HIRA: variants seen among roughly 807,000 people sequenced by gnomAD.
HIRA encodes the protein histone cell cycle regulator, also known as protein HIRA.
A neutral mutation model predicts 126.6 loss-of-function variants in HIRA; 13 were observed. That is an observed-to-expected ratio of 0.10 (90% confidence interval 0.07 to 0.16). HIRA has a LOEUF of 0.16. Among genes scored for constraint, HIRA ranks in the 10% least tolerant of loss-of-function variants. The probability of loss-of-function intolerance (pLI) is 1.00; values close to 1 mark genes in which losing one functional copy is unlikely to be tolerated. For synonymous variants in HIRA, 511 were observed against 520.0 expected (o/e 0.98, Z 0.24); for missense variants, 834 against 1,314.4 (o/e 0.63, Z 5.65).
chr22:19,383,303 AAAAAAAGAAAAAAAAAATC>A (rs2089093818), intron 13 of HIRA, among the ~76,000 whole-genome samples: 1 of 152,006 alleles, frequency 6.6e-6, no homozygotes, highest in African/African-American at 2.4e-5. Flanking sequence ...TTATGAAAGA[AAAAAAAGAAAAAAAAAATC>A]AGCCTGACTG....
In HIRA at chr22:19,377,927, T is replaced by G. The variant is rs1284090192; in HGVS notation, c.1555A>C (p.Thr519Pro). ...PNSFGASKPC[T>P]EPVVAASARP... is the part of the protein sequence containing the mutation. ...GCACTGGCAGCCACCACAGGCTCTG[T>G]GCAAGGCTTCGAGGCGCCGAAGGAG... Residue 519 changes from threonine (T) to proline (P), a missense_variant, in exon 14 of 25, where the codon ACA (threonine) becomes CCA (proline). Physicochemically the swap from Thr to Pro is conservative, Grantham distance 38. This residue lies in a region of HIRA where 468 missense variants were observed against 574.2 expected (regional missense o/e 0.82). Coordinates refer to ENST00000263208, the MANE Select transcript of HIRA (RefSeq NM_003325.4). 1.9e-6 allele frequency: 3 copies of G among 1,613,884 alleles called. No homozygotes were observed. The highest frequency in any genetic ancestry group is 3.3e-5 in the Admixed American group (2 of 59,996).
At chr22:19,371,386 A>G (rs555328207) in intron 15 of HIRA, among the ~76,000 whole-genome samples, 1 of 152,042 alleles carries the variant, frequency 6.6e-6, no homozygotes, top group Admixed American at 6.5e-5. Context: ...AACTGCAATG[A>G]TTATTATTTT....
intron 16 of HIRA, 21 bp from the exon 17 acceptor site, chr22:19,361,362 C>T (rs1282722144): frequency 1.2e-6 from 2 of 1,603,128 alleles, no homozygotes; most frequent in Non-Finnish European, 8.5e-7. Context: ...CAGAAACGTT[C>T]CTGAGCCTTG....
intron 6 of HIRA, among the ~76,000 whole-genome samples, chr22:19,397,692 T>C (rs1040168303): frequency 2.6e-5 from 4 of 152,094 alleles, no homozygotes; most frequent in Non-Finnish European, 5.9e-5. Context: ...CAGAGCCCAG[T>C]GGTGGGGGTG....
intron 24 of HIRA, among the ~76,000 whole-genome samples, chr22:19,333,805 G>A (rs1279458017): frequency 6.6e-6 from 1 of 151,956 alleles, no homozygotes; most frequent in African/African-American, 2.4e-5. Flanking sequence ...CCTCATACTT[G>A]ATAATTTCAA....
At chr22:19,377,079 G>A (rs2089026017) in intron 14 of HIRA, among the ~76,000 whole-genome samples, 1 of 152,176 alleles carries the variant, frequency 6.6e-6, no homozygotes, top group South Asian at 2.1e-4. Context: ...TAATCCCCAG[G>A]CCTCATCCCC....
At chr22:19,385,482 TATGTCC>T (rs2089118207) in intron 12 of HIRA, 33 bp downstream of exon 12, 1 of 1,581,452 alleles carries the variant, frequency 6.3e-7, no homozygotes. Flanking sequence ...TCCCTGGGCA[TATGTCC>T]ATGTCTTTAG....
intron 24 of HIRA, among the ~76,000 whole-genome samples, chr22:19,340,140 G>A (rs577329297): frequency 1.3e-5 from 2 of 152,060 alleles, no homozygotes; most frequent in African/African-American, 2.4e-5. Flanking sequence ...CTACCTAATC[G>A]AATCAAATGG....
intron 1 of HIRA, among the ~76,000 whole-genome samples, chr22:19,423,482 T>TACACACACAC (rs777914879): frequency 1.1e-3 from 124 of 111,292 alleles, no homozygotes; most frequent in African/African-American, 3.1e-3. Flanking sequence ...CACACATGCA[T>TACACACACAC]ACACACACAC....
At chr22:19,374,831 C>T (rs1477804160) in intron 15 of HIRA, among the ~76,000 whole-genome samples, 1 of 152,178 alleles carries the variant, frequency 6.6e-6, no homozygotes, top group African/African-American at 2.4e-5. Flanking sequence ...CTGCTGAGCC[C>T]TATAAACCTC....
chr22:19,375,686 T>G lies in HIRA; in HGVS notation c.1720A>C (p.Lys574Gln). The change falls in exon 15 of 25, where the codon AAA becomes CAA. Residue 574 changes from lysine to glutamine, a missense_variant. Coordinates refer to ENST00000263208, the MANE Select transcript of HIRA (RefSeq NM_003325.4). Reference protein sequence around the residue: ...AFDSRFTERSKATPGAPALTS... With the variant: ...AFDSRFTERSQATPGAPALTS... ...AGGGCAGGAGCACCTGGTGTGGCTT[T>G]GGACCGCTCTGTGAACCGGGAGTCA... The G allele has an allele frequency of 6.2e-7, 1 of 1,614,206 alleles. No individual in the cohort carries two copies. The highest frequency in any genetic ancestry group is 8.5e-7 in the Non-Finnish European group (1 of 1,180,032).
At chr22:19,385,445 C>T (rs2089117754) in intron 12 of HIRA, 76 bp downstream of exon 12, 2 of 1,405,390 alleles carry the variant, frequency 1.4e-6, no homozygotes. Context: ...CCTTCCTTAC[C>T]ACCACTGGTG....
chr22:19,361,069 G>A (rs554770413), intron 17 of HIRA, among the ~76,000 whole-genome samples, 168 bp downstream of exon 17: 28 of 152,334 alleles, frequency 1.8e-4, no homozygotes, highest in Admixed American at 1.7e-3. Flanking sequence ...TGGCAATTTC[G>A]CTAAGAGTTG....
chr22:19,340,294 G>A (rs1352585926), intron 24 of HIRA, among the ~76,000 whole-genome samples: 6 of 151,758 alleles, frequency 4.0e-5, no homozygotes, highest in South Asian at 2.1e-4. Flanking sequence ...AATAGATGCC[G>A]AAAAAGCATC....
chr22:19,379,179 A>AT (rs1432843596), intron 13 of HIRA, among the ~76,000 whole-genome samples: 1 of 151,392 alleles, frequency 6.6e-6, no homozygotes, highest in Non-Finnish European at 1.5e-5. Context: ...TGCCCGGCTA[A>AT]TTTTTTGTAT....
chr22:19,356,376 T>C (rs1211450148), intron 19 of HIRA, 88 bp from the exon 20 acceptor site: 4 of 1,139,998 alleles, frequency 3.5e-6, no homozygotes, highest in South Asian at 2.5e-5. Flanking sequence ...CTGGCCCTAC[T>C]GCATGCGACC....
chr22:19,420,468 A>AAAAAAC (rs1201632801), intron 1 of HIRA, among the ~76,000 whole-genome samples: 7 of 130,874 alleles, frequency 5.3e-5, no homozygotes, highest in African/African-American at 1.8e-4. Flanking sequence ...GTCTCAAAAA[A>AAAAAAC]AAAAAAAAAA....
chr22:19,388,946 G>A (rs902223694), intron 9 of HIRA, among the ~76,000 whole-genome samples: 13 of 152,132 alleles, frequency 8.5e-5, no homozygotes, highest in African/African-American at 3.1e-4. Flanking sequence ...CCTAGACAGG[G>A]GATGAGGCAC....
intron 12 of HIRA, among the ~76,000 whole-genome samples, chr22:19,384,046 C>T (rs147104651): frequency 2.6e-5 from 4 of 152,242 alleles, no homozygotes; most frequent in East Asian, 1.9e-4. Flanking sequence ...AGGCCAGGCA[C>T]GGTGGCTCAC....
Sources: gnomAD v4.1 joint callset for allele counts (sites outside exome capture counted in the v4.1 genomes callset) on GRCh38, gnomAD v4.1.1 for gene constraint, gnomAD v4.1.1 regional missense constraint, MANE v1.5 for transcripts, NCBI Gene and HGNC (gene_info 2026-07-23, HGNC 2026-07-21) for gene names.